The following SUSD2 variants were observed in gnomAD, a reference collection of about 807,000 sequenced individuals.
SUSD2 encodes the protein sushi domain-containing protein 2.
A neutral mutation model predicts 93.8 loss-of-function variants in SUSD2; 86 were observed. The observed-to-expected ratio is 0.92, with a 90% CI of 0.77 to 1.10. The LOEUF (loss-of-function observed/expected upper bound fraction) is 1.10, where lower values mean the gene tolerates loss of function less well. SUSD2 is among the 50% of genes least tolerant of loss of function. The pLI is 0.00. For missense variants in SUSD2, 1,060 were observed against 1,137.0 expected (o/e 0.93, Z 0.97); for synonymous variants, 483 against 485.0 (o/e 1.00, Z 0.05).
At position 24,187,981 on chromosome 22, in the gene SUSD2, C is replaced by A; in HGVS notation, c.2187C>A (p.Ala729=). The A allele has an allele frequency of 6.2e-7, 1 of 1,612,826 alleles. No homozygotes were observed. Among genetic ancestry groups the A allele is most frequent in the Non-Finnish European group, 8.5e-7 (1 of 1,179,948 alleles). Residue 729 remains alanine, a synonymous_variant, in exon 13 of 15, where the codon GCC becomes GCA. Coordinates refer to ENST00000358321, the MANE Select transcript of SUSD2 (RefSeq NM_019601.4). The part of the protein sequence containing the change: ...LQPVVSCGWL[A]PPPNGQKEGN... ...CAGTGGTGTCCTGTGGCTGGCTGGC[C>A]CCACCTCCCAACGGACAAAAGGAGG...
In SUSD2 at chr22:24,183,629, C is replaced by T. The variant is rs62642542; in HGVS notation, c.422C>T (p.Ala141Val). 1.0e-4 allele frequency: 163 copies of T among 1,611,958 alleles called. No homozygotes were observed. In the African/African-American group the frequency reaches 1.5e-3, roughly 14 times the overall value. Residue 141 changes from alanine (A) to valine (V), a missense_variant, in exon 3 of 15, where the codon GCG becomes GTG. Around this residue, in one of 2 missense-constraint regions of SUSD2, gnomAD observed 973 missense variants for 1,005.3 expected, o/e 0.97. Coordinates refer to ENST00000358321, the MANE Select transcript of SUSD2 (RefSeq NM_019601.4). ...SLDNGHSFPR[A>V]GTWLAVHPNK... is the part of the protein sequence containing the mutation. ...GACAACGGCCACTCCTTCCCTCGTG[C>T]GGGCACCTGGCTGGCTGGTGAGCCC...
rs12157773 is a variant in SUSD2, at chr22:24,188,515, G to C, written c.*79G>C. The C allele has an allele frequency of 1.4e-6, 2 of 1,403,072 alleles. No homozygotes were observed. The highest frequency in any genetic ancestry group is 1.2e-5 in the South Asian group (1 of 85,730). The allele number at this position is 1,403,072 out of a possible 1,614,324, so 86.9% of individuals were successfully genotyped here. On this transcript the variant is annotated 3_prime_UTR_variant, in exon 15 of 15. Coordinates refer to ENST00000358321, the MANE Select transcript of SUSD2 (RefSeq NM_019601.4). This position sits in a 1 kb window ranked among gnomAD's most constrained non-coding sequence, Gnocchi z 4.7. ...CAGTCCTGCGACTCCCGCATCCCCA[G>C]GACCAGACACCTGGGACCTGGATAC...
At chr22:24,181,691 C>CT (rs2047326948) in intron 1 of SUSD2, 96 bp downstream of exon 1, 2 of 983,644 alleles carry the variant, frequency 2.0e-6, no homozygotes, top group Admixed American at 5.1e-5. Context: ...CTCTGTCCAT[C>CT]TGTCAGGCCA....
rs769840469 is a variant in SUSD2, at chr22:24,185,040, G to T, written c.783-54G>T. 4.5e-4 allele frequency: 725 copies of T among 1,610,994 alleles called. 2 individuals are homozygous for T. Among genetic ancestry groups the T allele is most frequent in the Middle Eastern group, 2.5e-3 (15 of 6,076 alleles). On this transcript the variant is annotated intron_variant, in intron 5 of 14. Transcript: ENST00000358321. ...CCCAGGCTGGGGGTGGGGAGAGTGG[G>T]GCGACCATGGGGTGGTGTGGGCTGG... is the stretch of plus-strand genomic sequence containing the variant.
intron 5 of SUSD2, 68 bp from the exon 6 acceptor site, chr22:24,185,026 G>T: frequency 1.2e-6 from 2 of 1,611,194 alleles, no homozygotes; most frequent in Non-Finnish European, 1.7e-6. Context: ...CCAGGCTGGG[G>T]GTGGGGAGAG....
rs2047374864 is a variant in SUSD2 at position 24,187,345 on chromosome 22, C to T, written c.1786C>T (p.Leu596Phe). Residue 596 changes from leucine to phenylalanine, a missense_variant, in exon 11 of 15, where the codon CTC becomes TTC. Leu to Phe is a conservative substitution (Grantham distance 22, BLOSUM62 0). Transcript: ENST00000358321. ...GTTCCTCACCCACACCCACGGCCTC[C>T]TCGGGACACTCAACAACGACCCCAC... ...EKFLTHTHGL[L>F]GTLNNDPTDD... The T allele has an allele frequency of 6.2e-7, 1 of 1,614,024 alleles. No homozygotes were observed. Among genetic ancestry groups the T allele is most frequent in the African/African-American group, 1.3e-5 (1 of 74,932 alleles).
chr22:24,184,695 G>A (rs2047348725), intron 4 of SUSD2, 71 bp from the exon 5 acceptor site: 4 of 1,302,132 alleles, frequency 3.1e-6, no homozygotes, highest in Non-Finnish European at 4.3e-6. Flanking sequence ...CTGTCAGGCT[G>A]CTGTAGGTGG....
chr22:24,183,896 T>TCCG (rs1323546852), intron 3 of SUSD2: 1 of 646,278 alleles, frequency 1.5e-6, no homozygotes, highest in African/African-American at 1.8e-5. Context: ...TCCACTGAGC[T>TCCG]CCGCCATGCC....
chr22:24,187,070 C>G (rs34083847), intron 10 of SUSD2, 132 bp from the exon 11 acceptor site: 2 of 1,256,414 alleles, frequency 1.6e-6, no homozygotes, highest in African/African-American at 1.5e-5. Flanking sequence ...GAATTGGCCC[C>G]GGGAACGCCC....
chr22:24,184,413 G>A, intron 4 of SUSD2, 110 bp downstream of exon 4: 3 of 1,170,144 alleles, frequency 2.6e-6, no homozygotes, highest in Non-Finnish European at 3.6e-6. Flanking sequence ...GTGGGGTTGA[G>A]GAGGGAAGGG....
chr22:24,183,608 A>G lies in SUSD2; in HGVS notation c.401A>G (p.Asn134Ser). 7 of 1,612,732 alleles carry G rather than the reference A, an allele frequency of 4.3e-6. No individual in the cohort carries two copies. Among genetic ancestry groups the G allele is most frequent in the Non-Finnish European group, 5.1e-6 (6 of 1,179,954 alleles). Residue 134 changes from asparagine (N) to serine (S), a missense_variant, in exon 3 of 15, where the codon AAC (asparagine) becomes AGC (serine). Around this residue, in one of 2 missense-constraint regions of SUSD2, gnomAD observed 973 missense variants for 1,005.3 expected, o/e 0.97. Coordinates refer to ENST00000358321, the MANE Select transcript of SUSD2 (RefSeq NM_019601.4). The part of the protein sequence containing the change: ...GRIPFTVSLD[N>S]GHSFPRAGTW... ...ATCCCCTTCACTGTGTCACTGGACA[A>G]CGGCCACTCCTTCCCTCGTGCGGGC...
intron 3 of SUSD2, 92 bp downstream of exon 3, chr22:24,183,738 G>T: frequency 7.1e-7 from 1 of 1,400,600 alleles, no homozygotes; most frequent in Non-Finnish European, 9.6e-7. Context: ...TCCGTGCCCT[G>T]CCTCTCTGGC....
chr22:24,186,504 T>A, intron 10 of SUSD2, 89 bp downstream of exon 10: 1 of 1,494,882 alleles, frequency 6.7e-7, no homozygotes, highest in South Asian at 1.3e-5. Flanking sequence ...TGGGCCTTCA[T>A]GCCTCTCCCA....
chr22:24,183,718 A>G, intron 3 of SUSD2, 72 bp downstream of exon 3: 1 of 1,508,288 alleles, frequency 6.6e-7, no homozygotes. Context: ...GCACACCGAG[A>G]CTTGGCCTGT....
At chr22:24,186,451 C>A in intron 10 of SUSD2, 36 bp downstream of exon 10, 1 of 1,604,462 alleles carries the variant, frequency 6.2e-7, no homozygotes, top group Non-Finnish European at 8.5e-7. Flanking sequence ...GCGGGCTGCC[C>A]TCACCTCCTC....
Position 24,188,171 on chromosome 22 carries a change from G to T in SUSD2, c.2341+36G>T. On this transcript the variant is annotated intron_variant, in intron 13 of 14. Coordinates refer to ENST00000358321, the MANE Select transcript of SUSD2 (RefSeq NM_019601.4). The surrounding 1 kb of genome is among the most constrained non-coding windows in gnomAD (Gnocchi z 4.7). Reference sequence around the variant, plus strand: ...TCTGCTCATACACCTGCCTGCACCTGTCCCCACTCACCACCCCAGAGAGCC... The same window carrying T: ...TCTGCTCATACACCTGCCTGCACCTTTCCCCACTCACCACCCCAGAGAGCC... 1 of 1,599,512 alleles carries T rather than the reference G, an allele frequency of 6.3e-7. No homozygotes were observed. Among genetic ancestry groups the T allele is most frequent in the East Asian group, 2.2e-5 (1 of 44,604 alleles).
At position 24,184,190 on chromosome 22, in the gene SUSD2, G is replaced by T. The variant is rs139840706; in HGVS notation, c.494G>T (p.Arg165Leu). 4 of 1,613,362 alleles carry T rather than the reference G, an allele frequency of 2.5e-6. No homozygotes were observed. Among genetic ancestry groups the T allele is most frequent in the Admixed American group, 3.3e-5 (2 of 60,032 alleles). Reference sequence around the variant, plus strand: ...AAGAGCGAGTTGGTGAACGAGACGCGTTGGCAATACTACGGCACCGCCAAC... The same window carrying T: ...AAGAGCGAGTTGGTGAACGAGACGCTTTGGCAATACTACGGCACCGCCAAC... ...MEKSELVNET[R>L]WQYYGTANTS... The change falls in exon 4 of 15, where the codon CGT (arginine) becomes CTT (leucine). Residue 165 changes from arginine (R) to leucine (L), a missense_variant. Physicochemically the swap from Arg to Leu is moderately radical, Grantham distance 102. This residue lies in a region of SUSD2 where 973 missense variants were observed against 1,005.3 expected (regional missense o/e 0.97). Coordinates refer to ENST00000358321, the MANE Select transcript of SUSD2 (RefSeq NM_019601.4).
Position 24,188,298 on chromosome 22 carries a change from T to C in SUSD2, c.2415T>C (p.Tyr805=). The C allele has an allele frequency of 6.2e-7, 1 of 1,606,470 alleles. No homozygotes were observed. ...LAVVAAVALV[Y]VLLRRRKGNT... ...TGGTGGCGGCGGTTGCGCTCGTCTA[T>C]GTGCTGCTGCGCCGCAGGAAGGGCA... The change falls in exon 14 of 15, where the codon TAT becomes TAC. Residue 805 remains tyrosine, a synonymous_variant. Coordinates refer to ENST00000358321, the MANE Select transcript of SUSD2 (RefSeq NM_019601.4). The surrounding 1 kb of genome is among the most constrained non-coding windows in gnomAD (Gnocchi z 4.7).
Position 24,188,101 on chromosome 22 carries a change from C to T in SUSD2, c.2307C>T (p.Gly769=). The change falls in exon 13 of 15, where the codon GGC becomes GGT. Residue 769 remains glycine, a synonymous_variant. Transcript: ENST00000358321. The surrounding 1 kb of genome is among the most constrained non-coding windows in gnomAD (Gnocchi z 4.7). ...GAETSTCQAD[G]TWSSPTPKCQ... The stretch of plus-strand genomic sequence containing the variant: ...AGACCAGCACCTGCCAGGCTGACGG[C>T]ACCTGGTCCTCACCCACCCCGAAGT... The T allele has an allele frequency of 6.2e-7, 1 of 1,612,944 alleles. No homozygotes were observed. Among genetic ancestry groups the T allele is most frequent in the Non-Finnish European group, 8.5e-7 (1 of 1,179,890 alleles).
Sources: allele counts gnomAD v4.1 joint callset, GRCh38; gene constraint gnomAD v4.1.1; regional missense constraint gnomAD v4.1.1; non-coding constraint Gnocchi (gnomAD v3.1); transcripts MANE v1.5; gene names NCBI Gene and HGNC (gene_info 2026-07-23, HGNC 2026-07-21).